NOL4L: variants seen among roughly 807,000 people sequenced by gnomAD.
The protein encoded by NOL4L is nucleolar protein 4 like.
In NOL4L, 7 loss-of-function variants were observed where a neutral mutation model predicts 64.5. That is an observed-to-expected ratio of 0.11 (90% CI 0.06 to 0.20). The LOEUF (loss-of-function observed/expected upper bound fraction) is 0.20. Among genes scored for constraint, NOL4L ranks in the 10% least tolerant of loss-of-function variants. The probability of loss-of-function intolerance (pLI) is 1.00; values close to 1 mark genes in which losing one functional copy is unlikely to be tolerated. For missense variants in NOL4L, 680 were observed against 967.1 expected (o/e 0.70, Z 3.94); for synonymous variants, 413 against 401.0 (o/e 1.03, Z -0.36).
chr20:32,512,671 G>A (rs904174560), intron 3 of NOL4L, among the ~76,000 whole-genome samples: 5 of 152,138 alleles, frequency 3.3e-5, no homozygotes, highest in African/African-American at 1.2e-4. Flanking sequence ...TGCATACAGA[G>A]AATTCCAGTC....
intron 1 of NOL4L, among the ~76,000 whole-genome samples, chr20:32,555,883 G>C (rs1252027357): frequency 6.6e-6 from 1 of 152,156 alleles, no homozygotes; most frequent in Non-Finnish European, 1.5e-5. Flanking sequence ...AGCCCCAGCA[G>C]ACTCATTAGG....
intron 1 of NOL4L, among the ~76,000 whole-genome samples, chr20:32,550,604 G>T (rs191487851): frequency 2.6e-5 from 4 of 152,208 alleles, no homozygotes; most frequent in African/African-American, 9.6e-5. Context: ...AAAAGTGGCC[G>T]GGCGCAGTGG....
At chr20:32,461,652 G>T (rs1000758703) in intron 5 of NOL4L, among the ~76,000 whole-genome samples, 1 of 151,230 alleles carries the variant, frequency 6.6e-6, no homozygotes, top group African/African-American at 2.4e-5. Context: ...TCGATCTCCT[G>T]ACCTCGTGAT....
At position 32,518,044 on chromosome 20, in the gene NOL4L, G is replaced by T. The variant is rs149503218; in HGVS notation, c.589+2767C>A. On this transcript the variant is annotated intron_variant, in intron 3 of 10. Transcript: ENST00000621426. ...GCTCAGAGAGGTTCCCTGTCCTGCC[G>T]AGGGACACACAGTGGGGAACAGGGC... 5.9e-5 allele frequency among the ~76,000 whole-genome samples: 9 copies of T among 152,234 alleles called. No individual in the cohort carries two copies. The East Asian group carries it at 1.7e-3, about 29-fold the overall frequency.
chr20:32,500,066 A>G (rs1232926731), intron 4 of NOL4L, among the ~76,000 whole-genome samples: 2 of 151,784 alleles, frequency 1.3e-5, no homozygotes. Flanking sequence ...GTATCTCAGA[A>G]TACGTCAGCA....
intron 1 of NOL4L, among the ~76,000 whole-genome samples, chr20:32,538,454 C>A (rs940277731): frequency 2.8e-5 from 4 of 142,870 alleles, no homozygotes; most frequent in African/African-American, 1.0e-4. Flanking sequence ...CTCCTCCCTC[C>A]CTCCCTCGCT....
At chr20:32,454,039 T>G (rs949426993) in intron 6 of NOL4L, 1 of 438,876 alleles carries the variant, frequency 2.3e-6, no homozygotes, top group African/African-American at 2.0e-5. Context: ...TGCTGAGCGC[T>G]TAGGAGGGTG....
At chr20:32,510,983 C>T (rs931634515) in intron 4 of NOL4L, among the ~76,000 whole-genome samples, 2 of 152,126 alleles carry the variant, frequency 1.3e-5, no homozygotes, top group African/African-American at 4.8e-5. Flanking sequence ...TCTCTCTTGC[C>T]TCCCTGGGGG....
intron 1 of NOL4L, among the ~76,000 whole-genome samples, chr20:32,556,285 G>GA (rs1491221364): frequency 6.6e-6 from 1 of 151,458 alleles, no homozygotes; most frequent in Non-Finnish European, 1.5e-5. Flanking sequence ...GGGGGGGGGG[G>GA]GTTTCCCTGG....
At chr20:32,570,119 AG>A in intron 1 of NOL4L, among the ~76,000 whole-genome samples, 1 of 152,120 alleles carries the variant, frequency 6.6e-6, no homozygotes, top group East Asian at 1.9e-4. Flanking sequence ...ACTGAGGCCA[AG>A]GGAGGTTAAT....
intron 6 of NOL4L, chr20:32,454,097 C>T (rs953647670): frequency 2.9e-5 from 8 of 274,668 alleles, no homozygotes; most frequent in Non-Finnish European, 5.0e-5. Context: ...GCCACGTGTA[C>T]AGGGGAAAGG....
chr20:32,491,754 C>T (rs2016479334), intron 4 of NOL4L, among the ~76,000 whole-genome samples: 1 of 152,174 alleles, frequency 6.6e-6, no homozygotes, highest in African/African-American at 2.4e-5. Flanking sequence ...ACTACCAAGG[C>T]CAGCCACAAC....
intron 1 of NOL4L, among the ~76,000 whole-genome samples, chr20:32,533,167 T>A (rs2018406468): frequency 6.6e-6 from 1 of 152,194 alleles, no homozygotes; most frequent in Admixed American, 6.5e-5. Context: ...TGGAGCTACA[T>A]TCTTGGACAT....
rs749767414 is a variant in NOL4L, at chr20:32,444,772, G to A, written c.*2824C>T. The stretch of plus-strand genomic sequence containing the variant: ...CCCAAATGATCACTTTGTGCCCTGA[G>A]GCCCTTCAGAAGATTTTTAAATGGC... On this transcript the variant is annotated 3_prime_UTR_variant, in exon 11 of 11. Coordinates refer to ENST00000621426, the MANE Select transcript of NOL4L (RefSeq NM_001256798.2). 2 of 152,180 alleles carry A rather than the reference G, an allele frequency of 1.3e-5. No homozygotes were observed. The highest frequency in any genetic ancestry group is 2.9e-5 in the Non-Finnish European group (2 of 68,038). 9.4% of individuals were successfully genotyped at this position (152,180 alleles called of 1,614,324 possible). A position where few individuals can be genotyped will look rare whatever the true frequency, so the allele number is the denominator to read the frequency against.
Position 32,446,229 on chromosome 20 carries a change from A to ATCAG in NOL4L, c.*1366_*1367insCTGA, listed in dbSNP as rs372923363. 5.9e-5 allele frequency: 4 copies of ATCAG among 67,654 alleles called. No individual in the cohort carries two copies. Among genetic ancestry groups the ATCAG allele is most frequent in the Middle Eastern group, 6.2e-3 (1 of 162 alleles). The allele number at this position is 67,654 out of a possible 1,614,324, so 4.2% of individuals were successfully genotyped here. A position where few individuals can be genotyped will look rare whatever the true frequency, so the allele number is the denominator to read the frequency against. ...TTGCACTGAGCAAGAGGAAGTGCCT[A>ATCAG]TCAATCAATCAATCAGGGAGGAAGG... On this transcript the variant is annotated 3_prime_UTR_variant, in exon 11 of 11. Coordinates refer to ENST00000621426, the MANE Select transcript of NOL4L (RefSeq NM_001256798.2).
chr20:32,496,883 G>C (rs1376775091), intron 4 of NOL4L, among the ~76,000 whole-genome samples: 1 of 151,972 alleles, frequency 6.6e-6, no homozygotes, highest in Non-Finnish European at 1.5e-5. Flanking sequence ...ATAATGCTGT[G>C]TTGCAGGGAG....
intron 6 of NOL4L, 26 bp downstream of exon 6, chr20:32,456,092 T>C (rs767650978): frequency 6.8e-7 from 1 of 1,469,558 alleles, no homozygotes; most frequent in Non-Finnish European, 9.0e-7. Context: ...CAGAAAGAAA[T>C]GGACTCAGCC....
At chr20:32,504,699 G>A (rs2017070252) in intron 4 of NOL4L, among the ~76,000 whole-genome samples, 1 of 151,644 alleles carries the variant, frequency 6.6e-6, no homozygotes, top group Non-Finnish European at 1.5e-5. Flanking sequence ...CTGCCTCCCA[G>A]GTTCAAGTGA....
At position 32,500,533 on chromosome 20, in the gene NOL4L, TC is replaced by T. The variant is rs1279067777; in HGVS notation, c.699+10813del. ...CACGCCCAGCTAATTTTTTTGTATT[TC>T]TTTCTTTTTTTTTTTTTTTTTTACT... On this transcript the variant is annotated intron_variant, in intron 4 of 10. Transcript: ENST00000621426. Among the ~76,000 whole-genome samples the T allele has an allele frequency of 5.7e-3, 676 of 118,584 alleles. 5 individuals are homozygous for T. The highest frequency in any genetic ancestry group is 0.015 in the Middle Eastern group (4 of 266). The allele number at this position is 118,584 out of a possible 152,430, so 77.8% of individuals were successfully genotyped here.
Sources: allele counts gnomAD v4.1 joint callset (sites outside exome capture counted in the v4.1 genomes callset), GRCh38; gene constraint gnomAD v4.1.1; transcripts MANE v1.5; gene names NCBI Gene and HGNC (gene_info 2026-07-23, HGNC 2026-07-21).